PRELID2: variants seen among roughly 807,000 people sequenced by gnomAD.
The protein encoded by PRELID2 is PRELI domain containing 2.
Under a neutral mutation model 28.4 loss-of-function variants are expected in PRELID2, and 25 were observed. The observed-to-expected ratio is 0.88, with a 90% CI of 0.64 to 1.23. The LOEUF (loss-of-function observed/expected upper bound fraction) is 1.23. Ranked by LOEUF, PRELID2 falls within the 50% of genes most tolerant of loss-of-function variation. The probability of loss-of-function intolerance (pLI) is 0.00; values close to 1 mark genes in which losing one functional copy is unlikely to be tolerated. For synonymous variants in PRELID2, 76 were observed against 71.6 expected (o/e 1.06, Z -0.31); for missense variants, 201 against 214.4 (o/e 0.94, Z 0.39).
At chr5:145,716,343 A>G (rs1374644284) in intron 1 of PRELID2, among the ~76,000 whole-genome samples, 1 of 152,146 alleles carries the variant, frequency 6.6e-6, no homozygotes, top group Non-Finnish European at 1.5e-5. Flanking sequence ...ATCATAAAGG[A>G]AGAGAAAACC....
chr5:145,419,746 T>C, the PRELID2 span, among the ~76,000 whole-genome samples: 1 of 152,138 alleles, frequency 6.6e-6, no homozygotes, highest in Non-Finnish European at 1.5e-5. Context: ...TAGATCCCAT[T>C]TGTCAATTTT....
chr5:145,831,083 TAA>T (rs1391495823), intron 1 of PRELID2, among the ~76,000 whole-genome samples: 1 of 152,052 alleles, frequency 6.6e-6, no homozygotes, highest in Non-Finnish European at 1.5e-5. Context: ...GAAAGAAAAA[TAA>T]AAGTGTATTT....
chr5:145,687,478 A>G (rs1755059426), intron 1 of PRELID2, among the ~76,000 whole-genome samples: 1 of 152,254 alleles, frequency 6.6e-6, no homozygotes, highest in Non-Finnish European at 1.5e-5. Context: ...ACAAATAAAG[A>G]AATATGACCA....
chr5:145,800,301 TAC>T (rs10555229), intron 4 of PRELID2, among the ~76,000 whole-genome samples: 2,667 of 138,462 alleles, frequency 0.019, 45 homozygotes, highest in African/African-American at 0.054. Context: ...CCCCTTCTCT[TAC>T]ACACACACAC....
At chr5:145,585,814 G>A (rs1444627047) in intron 1 of PRELID2, among the ~76,000 whole-genome samples, 2 of 151,968 alleles carry the variant, frequency 1.3e-5, no homozygotes, top group Non-Finnish European at 2.9e-5. Flanking sequence ...AATGGGGTGG[G>A]GTGTCAGCCT....
chr5:145,497,938 C>T lies in PRELID2; in HGVS notation n.71-24623G>A, dbSNP rs1480420629. Among the ~76,000 whole-genome samples, 6 of 152,142 alleles carry T rather than the reference C, an allele frequency of 3.9e-5. No individual in the cohort carries two copies. The South Asian group carries it at 8.3e-4, about 21-fold the overall frequency. On this transcript the variant is annotated intron_variant and non_coding_transcript_variant, in intron 1 of 2. Coordinates refer to the PRELID2 transcript ENST00000510259. ...GTCCCCTGTTTCTAAAAGTTTTGGC[C>T]CTAGCCTTAGACCCTGTGCTCTTGT...
chr5:145,459,626 TC>T, the PRELID2 span, among the ~76,000 whole-genome samples: 1 of 151,972 alleles, frequency 6.6e-6, no homozygotes, highest in Non-Finnish European at 1.5e-5. Flanking sequence ...TTATAAAATT[TC>T]CCCTACTAAA....
At chr5:145,777,312 C>T (rs1758471795) in intron 5 of PRELID2, among the ~76,000 whole-genome samples, 1 of 152,158 alleles carries the variant, frequency 6.6e-6, no homozygotes, top group Non-Finnish European at 1.5e-5. Context: ...AGGCAATCCT[C>T]CCACCTTAGC....
At chr5:145,333,859 T>C in the PRELID2 span, among the ~76,000 whole-genome samples, 5 of 151,374 alleles carry the variant, frequency 3.3e-5, no homozygotes, top group African/African-American at 9.7e-5. Flanking sequence ...GCTCAGTGTC[T>C]GCCCAAACGG....
At chr5:145,601,949 A>C (rs1256205707) in intron 1 of PRELID2, among the ~76,000 whole-genome samples, 1 of 152,196 alleles carries the variant, frequency 6.6e-6, no homozygotes, top group Non-Finnish European at 1.5e-5. Context: ...AGAGTACGTG[A>C]CTAAAATCCA....
At chr5:145,783,448 G>C (rs752727082) in intron 5 of PRELID2, among the ~76,000 whole-genome samples, 4 of 152,220 alleles carry the variant, frequency 2.6e-5, no homozygotes, top group Non-Finnish European at 5.9e-5. Flanking sequence ...TAGCAGGGCT[G>C]ATGGGGAAGG....
chr5:145,393,753 A>G, the PRELID2 span, among the ~76,000 whole-genome samples: 61 of 152,336 alleles, frequency 4.0e-4, no homozygotes, highest in African/African-American at 1.3e-3. Context: ...TGTACAGAGA[A>G]ATCTTTAAAC....
rs371574200 is a variant in PRELID2 at position 145,796,637 on chromosome 5, A to T, written c.369-90T>A. ...ATTTCTAGCTGCATAATTACCACTT[A>T]TAATCAATAAAAAATAATATCCTTA... On this transcript the variant is annotated intron_variant, in intron 4 of 6. Coordinates refer to ENST00000683046, the MANE Select transcript of PRELID2 (RefSeq NM_205846.3). The T allele has an allele frequency of 1.1e-5, 7 of 633,126 alleles. No homozygotes were observed. The African/African-American group carries it at 1.1e-4, about 10-fold the overall frequency. The allele number at this position is 633,126 out of a possible 1,614,324, so 39.2% of individuals were successfully genotyped here. A position where few individuals can be genotyped will look rare whatever the true frequency, so the allele number is the denominator to read the frequency against.
At chr5:145,415,272 C>A in the PRELID2 span, among the ~76,000 whole-genome samples, 10 of 151,628 alleles carry the variant, frequency 6.6e-5, no homozygotes, top group East Asian at 5.8e-4. Flanking sequence ...ATTTTATTTT[C>A]TTTTTTTCTT....
the PRELID2 span, among the ~76,000 whole-genome samples, chr5:145,381,296 C>T: frequency 6.6e-6 from 1 of 152,080 alleles, no homozygotes. Context: ...AGAAAAACTT[C>T]AGAACTTTCA....
Position 145,524,348 on chromosome 5 carries a change from C to T in PRELID2, n.71-51033G>A, listed in dbSNP as rs374127950. ...GCAGATCCCAGAACAAGAATCCGTG[C>T]GTGGCCTCTGGGCACTCCAGCCAGA... On this transcript the variant is annotated intron_variant and non_coding_transcript_variant, in intron 1 of 2. Coordinates refer to the PRELID2 transcript ENST00000510259. Among the ~76,000 whole-genome samples the T allele has an allele frequency of 1.3e-4, 20 of 152,304 alleles. 1 individual carries two copies. The South Asian group carries it at 2.9e-3, about 22-fold the overall frequency.
At chr5:145,730,066 C>T (rs937263727) in intron 1 of PRELID2, among the ~76,000 whole-genome samples, 2 of 152,106 alleles carry the variant, frequency 1.3e-5, no homozygotes, top group Non-Finnish European at 2.9e-5. Flanking sequence ...GCCAGCAAGT[C>T]TAGACACATT....
At chr5:145,328,211 CT>C in the PRELID2 span, among the ~76,000 whole-genome samples, 1 of 152,012 alleles carries the variant, frequency 6.6e-6, no homozygotes, top group South Asian at 2.1e-4. Flanking sequence ...TGGTTTCAAG[CT>C]TTTGCTATTG....
intron 1 of PRELID2, among the ~76,000 whole-genome samples, chr5:145,742,327 T>C (rs892123940): frequency 1.2e-4 from 1 of 8,502 alleles, no homozygotes; most frequent in African/African-American, 1.7e-4. Flanking sequence ...AAAATAGATA[T>C]ATTTTTTTTT....
Sources: allele counts gnomAD v4.1 joint callset (sites outside exome capture counted in the v4.1 genomes callset), GRCh38; gene constraint gnomAD v4.1.1; transcripts MANE v1.5; gene names NCBI Gene and HGNC (gene_info 2026-07-23, HGNC 2026-07-21).